Variants in TFE3 observed in about 807,000 individuals in gnomAD.
TFE3 encodes the protein transcription factor binding to IGHM enhancer 3.
A neutral mutation model predicts 35.0 loss-of-function variants in TFE3; 5 were observed. That is an observed-to-expected ratio of 0.14 (90% CI 0.07 to 0.30). The LOEUF is 0.30. Among genes scored for constraint, TFE3 ranks in the 10% least tolerant of loss-of-function variants. TFE3 has a pLI of 1.00. For missense variants in TFE3, 374 were observed against 496.6 expected (o/e 0.75, Z 2.35); for synonymous variants, 211 against 215.6 (o/e 0.98, Z 0.18).
chrX:49,041,148 G>C (rs2064758697), intron 1 of TFE3, among the ~76,000 whole-genome samples: 1 of 110,394 alleles, frequency 9.1e-6, no homozygotes. Flanking sequence ...AGCCAGGATG[G>C]TCTCGATCTC....
chrX:49,038,186 T>C lies in TFE3; in HGVS notation c.780+11A>G. ...GGGAATGTGGGAGGAGGTTTGGCTG[T>C]AGCCTCTTACCTCCTTCTCTGAGCT... On this transcript the variant is annotated intron_variant, in intron 4 of 9. Transcript: ENST00000315869. The C allele has an allele frequency of 4.1e-6, 5 of 1,212,269 alleles. No individual in the cohort carries two copies. The highest frequency in any genetic ancestry group is 4.5e-6 in the Non-Finnish European group (4 of 895,631).
Position 49,030,084 on chromosome X carries a change from G to A in TFE3, c.*74C>T, listed in dbSNP as rs1440860426. 18 of 1,081,935 alleles carry A rather than the reference G, an allele frequency of 1.7e-5. No homozygotes were observed. The highest frequency in any genetic ancestry group is 3.0e-5 in the East Asian group (1 of 32,906). The allele number at this position is 1,081,935 out of a possible 1,213,427, so 89.2% of individuals were successfully genotyped here. A position where few individuals can be genotyped will look rare whatever the true frequency, so the allele number is the denominator to read the frequency against. ...AGGGCAGTCTCATGGGAGGGTGGGG[G>A]AAAAGGCGGGGCCTCATCCTGACTG... On this transcript the variant is annotated 3_prime_UTR_variant, in exon 10 of 10. Transcript: ENST00000315869.
At chrX:49,036,599 T>C (rs1339011746) in intron 5 of TFE3, among the ~76,000 whole-genome samples, 1 of 109,501 alleles carries the variant, frequency 9.1e-6, no homozygotes, top group Non-Finnish European at 1.9e-5. Context: ...AGTCAGGAGA[T>C]TGAGATAACC....
chrX:49,041,968 CG>C (rs2064762587), intron 1 of TFE3, among the ~76,000 whole-genome samples: 1 of 110,683 alleles, frequency 9.0e-6, no homozygotes, highest in African/African-American at 3.3e-5. Context: ...AGAGGAAGCT[CG>C]GGCGAGCCAC....
At position 49,035,726 on chromosome X, in the gene TFE3, C is replaced by T. The variant is rs2064725741; in HGVS notation, c.886-1475G>A. Among the ~76,000 whole-genome samples the T allele has an allele frequency of 2.7e-5, 3 of 109,621 alleles. No homozygotes were observed. In the South Asian group the frequency reaches 1.2e-3, roughly 43 times the overall value. On this transcript the variant is annotated intron_variant, in intron 5 of 9. Coordinates refer to ENST00000315869, the MANE Select transcript of TFE3 (RefSeq NM_006521.6). ...CTGGCTGAGCTTTAATCTCTTGAAC[C>T]CACTTCCAGTCTGGTGGATATAAGG...
Position 49,039,360 on chromosome X carries a change from G to A in TFE3, c.281C>T (p.Ala94Val). 2 of 1,206,972 alleles carry A rather than the reference G, an allele frequency of 1.7e-6. No homozygotes were observed. The highest frequency in any genetic ancestry group is 2.2e-6 in the Non-Finnish European group (2 of 892,971). ...CCTGGAGCCCCCTGCAGAAGACGATGCAGAGAGTGTAGCTGGGGTGGCTGG... is the reference window on the plus strand; with the variant it reads ...CCTGGAGCCCCCTGCAGAAGACGATACAGAGAGTGTAGCTGGGGTGGCTGG... ...ATPATPATLS[A>V]SSSAGGSRTP... The change falls in exon 3 of 10, where the codon GCA (alanine) becomes GTA (valine). Residue 94 changes from alanine (A) to valine (V), a missense_variant. Coordinates refer to ENST00000315869, the MANE Select transcript of TFE3 (RefSeq NM_006521.6).
chrX:49,042,018 C>A (rs1431497599), intron 1 of TFE3, among the ~76,000 whole-genome samples: 1 of 9,063 alleles, frequency 1.1e-4, no homozygotes, highest in Non-Finnish European at 0.033. Flanking sequence ...GAGGCAAAGA[C>A]CCCCCCCCAC....
chrX:49,039,035 C>T, intron 3 of TFE3, 72 bp downstream of exon 3: 1 of 1,049,944 alleles, frequency 9.5e-7, no homozygotes, highest in Non-Finnish European at 1.3e-6. Context: ...TGCATCGAGG[C>T]CATCCCTAGC....
Position 49,033,777 on chromosome X carries a change from C to G in TFE3, c.1009G>C (p.Glu337Gln). The G allele has an allele frequency of 1.7e-6, 2 of 1,211,438 alleles. No individual in the cohort carries two copies. The highest frequency in any genetic ancestry group is 2.2e-6 in the Non-Finnish European group (2 of 895,367). Residue 337 changes from glutamate (E) to glutamine (Q), a missense_variant, in exon 7 of 10, where the codon GAG (glutamate) becomes CAG (glutamine). By Grantham distance (29) the Glu-to-Gln change is conservative. This residue lies in a region of TFE3 where 167 missense variants were observed against 297.2 expected (regional missense o/e 0.56). Transcript: ENST00000315869. ...PNIKREISET[E>Q]AKALLKERQK... ...CGTTCCTTCAAAAGGGCCTTTGCCT[C>G]GGTCTCTGGAAAAGAGTGGAGTGAT...
intron 8 of TFE3, chrX:49,031,779 C>T (rs911005563): frequency 4.2e-5 from 13 of 313,089 alleles, no homozygotes; most frequent in Non-Finnish European, 6.6e-5. Context: ...TAGGATTCCT[C>T]TCTTCCCTAT....
intron 5 of TFE3, among the ~76,000 whole-genome samples, chrX:49,035,935 C>T (rs1557074661): frequency 2.7e-5 from 3 of 110,207 alleles, no homozygotes; most frequent in Admixed American, 2.0e-4. Flanking sequence ...TTTGGGAGGC[C>T]GAGGTGGGCA....
Position 49,039,206 on chromosome X carries a change from AGGACTGGGGAAG to A in TFE3, c.423_434del (p.Phe142_Pro145del), listed in dbSNP as rs782223948. The A allele has an allele frequency of 8.3e-7, 1 of 1,207,728 alleles. No homozygotes were observed. The highest frequency in any genetic ancestry group is 1.1e-6 in the Non-Finnish European group (1 of 893,611). Reference sequence around the variant, plus strand: ...CAGAGATGGCAGGAGAGGCAGGTGCAGGACTGGGGAAGGGAGCCGCGGCGGCCTGTTCCCGAC... The same window carrying A: ...CAGAGATGGCAGGAGAGGCAGGTGCAGGAGCCGCGGCGGCCTGTTCCCGAC... On this transcript the variant is annotated inframe_deletion, in exon 3 of 10. Transcript: ENST00000315869.
chrX:49,040,630 CCT>C lies in TFE3; in HGVS notation c.117-64_117-63del, dbSNP rs1358823865. The C allele has an allele frequency of 7.7e-5, 63 of 820,579 alleles. 2 individuals carry two copies. The South Asian group carries it at 1.2e-3, about 15-fold the overall frequency. The allele number at this position is 820,579 out of a possible 1,213,427, so 67.6% of individuals were successfully genotyped here. ...GAAGGACCTTATTCCCCAGCCCTCC[CCT>C]GAGACAGAGAAAGAGAGAGAGAGGG... On this transcript the variant is annotated intron_variant, in intron 1 of 9. Coordinates refer to ENST00000315869, the MANE Select transcript of TFE3 (RefSeq NM_006521.6).
In TFE3 at chrX:49,030,052, C is replaced by T; in HGVS notation, c.*106G>A. The T allele has an allele frequency of 1.1e-6, 1 of 874,447 alleles. No individual in the cohort carries two copies. The highest frequency in any genetic ancestry group is 3.1e-5 in the East Asian group (1 of 32,043). The allele number at this position is 874,447 out of a possible 1,213,427, so 72.1% of individuals were successfully genotyped here. ...TCACATCTCCTCTTCCCCCAGGATA[C>T]CTGGGCAGGGCAGTCTCATGGGAGG... On this transcript the variant is annotated 3_prime_UTR_variant, in exon 10 of 10. Transcript: ENST00000315869.
At chrX:49,032,249 G>A (rs1417718528) in intron 8 of TFE3, among the ~76,000 whole-genome samples, 2 of 110,868 alleles carry the variant, frequency 1.8e-5, no homozygotes, top group Non-Finnish European at 3.8e-5. Context: ...TTGCGGGGCG[G>A]TGGGGGATGG....
chrX:49,041,233 C>A (rs1340308823), intron 1 of TFE3, among the ~76,000 whole-genome samples: 2 of 111,138 alleles, frequency 1.8e-5, no homozygotes, highest in Non-Finnish European at 3.8e-5. Context: ...GCCCGGCCAA[C>A]CCCCTGCTAT....
rs1280097821 is a variant in TFE3 at position 49,043,145 on chromosome X, C to T, written c.82G>A (p.Glu28Lys). Residue 28 changes from glutamate (E) to lysine (K), a missense_variant, in exon 1 of 10, where the codon GAG becomes AAG. Glu to Lys is a moderately conservative substitution (Grantham distance 56, BLOSUM62 1). Coordinates refer to ENST00000315869, the MANE Select transcript of TFE3 (RefSeq NM_006521.6). Reference protein sequence around the residue: ...GPRAVFVLLEERRPADSAQLL... With the variant: ...GPRAVFVLLEKRRPADSAQLL... ...TGAGCCGAGTCGGCCGGCCTGCGCTCCTCCAACAGCACGAACACGGCTCGA... is the reference window on the plus strand; with the variant it reads ...TGAGCCGAGTCGGCCGGCCTGCGCTTCTCCAACAGCACGAACACGGCTCGA... 1 of 1,195,212 alleles carries T rather than the reference C, an allele frequency of 8.4e-7. No homozygotes were observed. The highest frequency in any genetic ancestry group is 1.1e-6 in the Non-Finnish European group (1 of 889,667).
rs969355046 is a variant in TFE3 at position 49,043,298 on chromosome X, C to A, written c.-72G>T. On this transcript the variant is annotated 5_prime_UTR_variant, in exon 1 of 10. Coordinates refer to ENST00000315869, the MANE Select transcript of TFE3 (RefSeq NM_006521.6). ...CCGGTCCCCCTAACAAAATAAGAGTCCCCCCTCCCCCCAGCTCGCCACCGC... is the reference window on the plus strand; with the variant it reads ...CCGGTCCCCCTAACAAAATAAGAGTACCCCCTCCCCCCAGCTCGCCACCGC... 4.6e-5 allele frequency: 37 copies of A among 798,199 alleles called. No homozygotes were observed. In the Admixed American group the frequency reaches 5.9e-4, roughly 13 times the overall value. 65.8% of individuals were successfully genotyped at this position (798,199 alleles called of 1,213,427 possible).
chrX:49,032,902 G>A (rs951120506), intron 8 of TFE3, among the ~76,000 whole-genome samples: 3 of 111,682 alleles, frequency 2.7e-5, no homozygotes, highest in Admixed American at 1.9e-4. Flanking sequence ...TCCTGACCTC[G>A]TGATCCGCCT....
Sources: allele counts gnomAD v4.1 joint callset (sites outside exome capture counted in the v4.1 genomes callset), GRCh38; gene constraint gnomAD v4.1.1; regional missense constraint gnomAD v4.1.1; transcripts MANE v1.5; gene names NCBI Gene and HGNC (gene_info 2026-07-23, HGNC 2026-07-21).